DPP10: variants seen among roughly 807,000 people sequenced by gnomAD.
DPP10 encodes inactive dipeptidyl peptidase 10.
In DPP10, 33 loss-of-function variants were observed where a neutral mutation model predicts 120.9. That is an observed-to-expected ratio of 0.27 (90% CI 0.21 to 0.37). DPP10 has a LOEUF of 0.37. DPP10 is among the 10% of genes least tolerant of loss of function. DPP10 has a pLI of 1.00. For missense variants in DPP10, 816 were observed against 942.8 expected (o/e 0.87, Z 1.76); for synonymous variants, 337 against 326.1 (o/e 1.03, Z -0.36).
intron 1 of DPP10, among the ~76,000 whole-genome samples, chr2:115,264,594 G>A (rs1017957112): frequency 6.6e-6 from 1 of 152,208 alleles, no homozygotes; most frequent in Non-Finnish European, 1.5e-5. Context: ...TCAATGTGGG[G>A]AAGGAAGGAA....
At chr2:114,799,858 A>C (rs1470994045) in intron 1 of DPP10, among the ~76,000 whole-genome samples, 1 of 152,248 alleles carries the variant, frequency 6.6e-6, no homozygotes, top group Non-Finnish European at 1.5e-5. Flanking sequence ...GCAGGTTTCC[A>C]TTTGAAATTT....
chr2:115,064,517 C>T, intron 1 of DPP10: 1 of 403,458 alleles, frequency 2.5e-6, no homozygotes, highest in South Asian at 2.8e-5. Flanking sequence ...TGTTGCCCAT[C>T]ACTCAAAAGT....
intron 10 of DPP10, chr2:115,749,849 T>A: frequency 4.0e-6 from 1 of 252,558 alleles, no homozygotes; most frequent in Non-Finnish European, 6.3e-6. Flanking sequence ...ACTGCTAACA[T>A]ACCTGTCTGC....
chr2:115,528,754 A>G (rs1375957140), intron 5 of DPP10, among the ~76,000 whole-genome samples: 1 of 152,142 alleles, frequency 6.6e-6, no homozygotes, highest in Non-Finnish European at 1.5e-5. Context: ...TGAAAAAAAA[A>G]CAGTCCCAAA....
chr2:114,873,840 C>T (rs1045774385), intron 1 of DPP10, among the ~76,000 whole-genome samples: 3 of 152,252 alleles, frequency 2.0e-5, no homozygotes, highest in South Asian at 2.1e-4. Context: ...GCTTTCTATA[C>T]GTAGATCCCT....
chr2:114,678,227 A>G (rs560427699), intron 1 of DPP10, among the ~76,000 whole-genome samples: 2 of 152,072 alleles, frequency 1.3e-5, no homozygotes, highest in Non-Finnish European at 2.9e-5. Flanking sequence ...TGATGATAAA[A>G]CCATGAGTAT....
chr2:114,779,579 T>C (rs1053488954), intron 1 of DPP10, among the ~76,000 whole-genome samples: 23 of 152,136 alleles, frequency 1.5e-4, no homozygotes, highest in Non-Finnish European at 2.9e-4. Context: ...CAGTTTACGC[T>C]GAGGACTTTT....
intron 5 of DPP10, among the ~76,000 whole-genome samples, chr2:115,527,726 T>G (rs1018032839): frequency 1.3e-5 from 2 of 152,132 alleles, no homozygotes; most frequent in Non-Finnish European, 2.9e-5. Flanking sequence ...GACATTTCAC[T>G]GAAGATTTAC....
At chr2:115,831,874 A>G (rs1251041603) in intron 21 of DPP10, among the ~76,000 whole-genome samples, 1 of 152,238 alleles carries the variant, frequency 6.6e-6, no homozygotes, top group Non-Finnish European at 1.5e-5. Flanking sequence ...ATTTTAATGA[A>G]TAGCAAAATC....
intron 1 of DPP10, among the ~76,000 whole-genome samples, chr2:115,267,923 G>A (rs1013876117): frequency 1.3e-5 from 2 of 152,084 alleles, no homozygotes; most frequent in Admixed American, 6.6e-5. Context: ...GTAGGTTAAG[G>A]CCTATGTCTG....
chr2:115,710,831 G>T (rs2092292380), intron 7 of DPP10, among the ~76,000 whole-genome samples: 1 of 151,944 alleles, frequency 6.6e-6, no homozygotes, highest in Non-Finnish European at 1.5e-5. Flanking sequence ...TGTTTTGTTG[G>T]TAGCCTGTGT....
At chr2:115,545,090 A>G (rs1330408591) in intron 5 of DPP10, among the ~76,000 whole-genome samples, 2 of 152,084 alleles carry the variant, frequency 1.3e-5, no homozygotes, top group African/African-American at 4.8e-5. Context: ...AAATCTAGGC[A>G]GCGGCAGAGT....
intron 1 of DPP10, among the ~76,000 whole-genome samples, chr2:114,946,664 T>C (rs1413788163): frequency 1.3e-5 from 2 of 152,130 alleles, no homozygotes; most frequent in African/African-American, 4.8e-5. Flanking sequence ...TTATCCTTTT[T>C]ATACATCAAT....
At chr2:115,240,077 C>G (rs917470196) in intron 1 of DPP10, among the ~76,000 whole-genome samples, 2 of 152,148 alleles carry the variant, frequency 1.3e-5, no homozygotes, top group African/African-American at 4.8e-5. Context: ...GTGCATGTGT[C>G]TTTATAGTAG....
chr2:115,027,227 AC>A (rs1449043533), intron 1 of DPP10, among the ~76,000 whole-genome samples: 1 of 152,114 alleles, frequency 6.6e-6, no homozygotes, highest in African/African-American at 2.4e-5. Flanking sequence ...GATTCCAATG[AC>A]TATTTTGCAG....
intron 7 of DPP10, among the ~76,000 whole-genome samples, chr2:115,694,313 A>G (rs2091470370): frequency 6.6e-6 from 1 of 152,146 alleles, no homozygotes; most frequent in Admixed American, 6.6e-5. Flanking sequence ...GTGTTTACTA[A>G]CTAAGGATAA....
At chr2:115,526,044 A>G (rs1015890943) in intron 5 of DPP10, 72 bp downstream of exon 5, 8 of 1,330,018 alleles carry the variant, frequency 6.0e-6, no homozygotes, top group Non-Finnish European at 7.3e-6. Flanking sequence ...AATTTTACTC[A>G]GCTATAACTC....
rs946846986 is a variant in DPP10 at position 115,311,796 on chromosome 2, C to T, written c.175+2443C>T. Among the ~76,000 whole-genome samples the T allele has an allele frequency of 3.9e-5, 6 of 152,214 alleles. No homozygotes were observed. The South Asian group carries it at 6.2e-4, about 16-fold the overall frequency. On this transcript the variant is annotated intron_variant, in intron 2 of 25. Coordinates refer to ENST00000410059, the MANE Select transcript of DPP10 (RefSeq NM_020868.6). ...TATGTTTTGTTTTAAGATGGGGTCT[C>T]GCTCTGTTGCTCAGGCTGGACTGCA...
intron 1 of DPP10, among the ~76,000 whole-genome samples, chr2:115,024,870 G>T (rs1403872103): frequency 2.0e-5 from 3 of 147,994 alleles, no homozygotes; most frequent in Non-Finnish European, 4.5e-5. Context: ...TATATTTGAG[G>T]TTATGTATAT....
Sources: gnomAD v4.1 joint callset for allele counts (sites outside exome capture counted in the v4.1 genomes callset) on GRCh38, gnomAD v4.1.1 for gene constraint, MANE v1.5 for transcripts, NCBI Gene and HGNC (gene_info 2026-07-23, HGNC 2026-07-21) for gene names.